The following RALGPS1 variants were observed in gnomAD, a reference collection of about 807,000 sequenced individuals.
The protein encoded by RALGPS1 is Ral GEF with PH domain and SH3 binding motif 1.
A neutral mutation model predicts 78.8 loss-of-function variants in RALGPS1; 19 were observed. The observed-to-expected ratio is 0.24, with a 90% CI of 0.17 to 0.35. RALGPS1 has a LOEUF of 0.35. RALGPS1 is among the 10% of genes least tolerant of loss of function. The probability of loss-of-function intolerance (pLI) is 1.00; values close to 1 mark genes in which losing one functional copy is unlikely to be tolerated. For synonymous variants in RALGPS1, 228 were observed against 256.3 expected (o/e 0.89, Z 1.06); for missense variants, 454 against 688.3 (o/e 0.66, Z 3.81).
rs1303494126 is a variant in RALGPS1 at position 127,194,435 on chromosome 9, C to T, written c.911-656C>T. On this transcript the variant is annotated intron_variant, in intron 11 of 18. Coordinates refer to ENST00000259351, the MANE Select transcript of RALGPS1 (RefSeq NM_014636.3). ...TAGAAGACACACTTTTTTTTGGGGA[C>T]GGAGTCTCACTCTGTTGCCCAGGCT... 2.0e-5 allele frequency among the ~76,000 whole-genome samples: 3 copies of T among 152,022 alleles called. No individual in the cohort carries two copies. In the East Asian group the frequency reaches 5.8e-4, roughly 29 times the overall value.
chr9:127,146,183 G>A (rs2058083402), intron 8 of RALGPS1, among the ~76,000 whole-genome samples: 1 of 152,174 alleles, frequency 6.6e-6, no homozygotes, highest in Admixed American at 6.5e-5. Flanking sequence ...CAGGTAGGGA[G>A]CGTGCTACCT....
At chr9:126,946,894 T>A (rs917581171) in intron 1 of RALGPS1, among the ~76,000 whole-genome samples, 5 of 152,098 alleles carry the variant, frequency 3.3e-5, no homozygotes, top group Non-Finnish European at 7.3e-5. Context: ...CAGGGGAGGA[T>A]TTTTTCCTCC....
intron 8 of RALGPS1, among the ~76,000 whole-genome samples, chr9:127,105,407 G>A (rs551331192): frequency 6.6e-6 from 1 of 152,282 alleles, no homozygotes; most frequent in Non-Finnish European, 1.5e-5. Context: ...GAGGTGCCAG[G>A]AATAGAACTG....
chr9:127,051,175 A>G (rs1378871949), intron 6 of RALGPS1, among the ~76,000 whole-genome samples: 2 of 152,166 alleles, frequency 1.3e-5, no homozygotes, highest in Non-Finnish European at 2.9e-5. Flanking sequence ...AGTACTTGGA[A>G]CTGGTGCTGG....
intron 8 of RALGPS1, among the ~76,000 whole-genome samples, chr9:127,070,395 T>G (rs1407196100): frequency 6.6e-6 from 1 of 152,190 alleles, no homozygotes; most frequent in Non-Finnish European, 1.5e-5. Flanking sequence ...ACTTTCTACA[T>G]GTAGTTATGA....
At chr9:126,991,515 G>T (rs2042282325) in intron 4 of RALGPS1, among the ~76,000 whole-genome samples, 1 of 152,174 alleles carries the variant, frequency 6.6e-6, no homozygotes, top group Non-Finnish European at 1.5e-5. Context: ...GGGACTTGGT[G>T]CCTGGTTGGG....
At chr9:127,192,518 C>T (rs897475106) in intron 11 of RALGPS1, among the ~76,000 whole-genome samples, 3 of 152,052 alleles carry the variant, frequency 2.0e-5, no homozygotes, top group African/African-American at 7.2e-5. Context: ...GGCCTGGTGG[C>T]ACCCTCCTGT....
chr9:127,037,250 T>C (rs1052538138), intron 5 of RALGPS1, among the ~76,000 whole-genome samples: 1 of 152,208 alleles, frequency 6.6e-6, no homozygotes, highest in Admixed American at 6.5e-5. Flanking sequence ...CTTGGGCATA[T>C]GTGCAAGGTT....
intron 1 of RALGPS1, among the ~76,000 whole-genome samples, chr9:126,915,784 C>CG (rs2034095316): frequency 7.3e-6 from 1 of 136,616 alleles, no homozygotes; most frequent in African/African-American, 2.8e-5. Context: ...ATGCGGGGGG[C>CG]GGGGGGTTGG....
At chr9:127,047,408 A>G (rs977114339) in intron 5 of RALGPS1, among the ~76,000 whole-genome samples, 2 of 152,214 alleles carry the variant, frequency 1.3e-5, no homozygotes, top group African/African-American at 4.8e-5. Context: ...ATATAGAGAA[A>G]AAAAAGATGG....
chr9:127,163,273 G>A lies in RALGPS1; in HGVS notation c.611-2796G>A, dbSNP rs138891861. Among the ~76,000 whole-genome samples, 188 of 152,244 alleles carry A rather than the reference G, an allele frequency of 1.2e-3. 1 individual carries two copies. Among genetic ancestry groups the A allele is most frequent in the South Asian group, 4.6e-3 (22 of 4,820 alleles). ...ATTTTTCAGGATTGCCGTTGCTGAC[G>A]CTTCAGGGTGGTAACTGAGTTACAT... On this transcript the variant is annotated intron_variant, in intron 8 of 18. Transcript: ENST00000259351.
chr9:126,963,556 G>A (rs762463578), intron 2 of RALGPS1, among the ~76,000 whole-genome samples: 6 of 152,200 alleles, frequency 3.9e-5, no homozygotes, highest in Non-Finnish European at 5.9e-5. Flanking sequence ...TGATGACTGA[G>A]TGATACATTT....
intron 8 of RALGPS1, among the ~76,000 whole-genome samples, chr9:127,071,854 A>G (rs1413259965): frequency 6.6e-6 from 1 of 152,202 alleles, no homozygotes; most frequent in Non-Finnish European, 1.5e-5. Flanking sequence ...AAAGTGTACA[A>G]TTCACTGGTT....
rs2052533374 is a variant in RALGPS1, at chr9:127,091,949, A to C, written c.610+22593A>C. 6.2e-7 allele frequency: 1 copy of C among 1,612,904 alleles called. No individual in the cohort carries two copies. On this transcript the variant is annotated intron_variant, in intron 8 of 18. Coordinates refer to ENST00000259351, the MANE Select transcript of RALGPS1 (RefSeq NM_014636.3). The surrounding 1 kb of genome is among the most constrained non-coding windows in gnomAD (Gnocchi z 4.3). ...ATGTTCCCAAACCCTTGCTGGGGAA[A>C]ACCCAGGAGAGTGTTAATGTGGAGC...
intron 4 of RALGPS1, among the ~76,000 whole-genome samples, chr9:127,001,476 C>A (rs2043303003): frequency 6.6e-6 from 1 of 152,084 alleles, no homozygotes; most frequent in African/African-American, 2.4e-5. Flanking sequence ...TTATAGTCTA[C>A]TTTCAAGTGA....
At chr9:127,191,308 TATA>T (rs1385203605) in intron 11 of RALGPS1, among the ~76,000 whole-genome samples, 1 of 152,240 alleles carries the variant, frequency 6.6e-6, no homozygotes, top group Non-Finnish European at 1.5e-5. Flanking sequence ...TCCCCAAGAT[TATA>T]ATGATTGTCT....
chr9:127,002,422 C>T lies in RALGPS1; in HGVS notation c.216+24677C>T, dbSNP rs560888799. On this transcript the variant is annotated intron_variant, in intron 4 of 18. Transcript: ENST00000259351. ...TTTGGAGCTATTATGAGTAGTGATA[C>T]CACAAACATTCTTTTTTTTTTTTTT... Among the ~76,000 whole-genome samples, 5 of 146,692 alleles carry T rather than the reference C, an allele frequency of 3.4e-5. No homozygotes were observed. In the South Asian group the frequency reaches 1.1e-3, roughly 32 times the overall value.
intron 4 of RALGPS1, among the ~76,000 whole-genome samples, chr9:127,012,167 A>G (rs1208485171): frequency 6.6e-6 from 1 of 152,138 alleles, no homozygotes; most frequent in Non-Finnish European, 1.5e-5. Context: ...GTGAATCTTC[A>G]GATTCAGACT....
At chr9:127,005,607 C>T (rs1379957975) in intron 4 of RALGPS1, among the ~76,000 whole-genome samples, 1 of 152,134 alleles carries the variant, frequency 6.6e-6, no homozygotes, top group African/African-American at 2.4e-5. Context: ...CAGAAAGCTG[C>T]TTCGACTACA....
Sources: gnomAD v4.1 joint callset for allele counts (sites outside exome capture counted in the v4.1 genomes callset) on GRCh38, gnomAD v4.1.1 for gene constraint, Gnocchi (gnomAD v3.1) non-coding constraint, MANE v1.5 for transcripts, NCBI Gene and HGNC (gene_info 2026-07-23, HGNC 2026-07-21) for gene names.